Variants in SPARCL1 observed in about 807,000 individuals in gnomAD.
SPARCL1 encodes SPARC-like protein 1.
Under a neutral mutation model 67.1 loss-of-function variants are expected in SPARCL1, and 52 were observed. That is an observed-to-expected ratio of 0.78 (90% CI 0.62 to 0.98). The LOEUF (loss-of-function observed/expected upper bound fraction) is 0.98. Among genes scored for constraint, SPARCL1 ranks in the 50% least tolerant of loss-of-function variants. SPARCL1 has a pLI of 0.00. For missense variants in SPARCL1, 717 were observed against 782.4 expected (o/e 0.92, Z 1.00); for synonymous variants, 226 against 267.8 (o/e 0.84, Z 1.52).
intron 1 of SPARCL1, among the ~76,000 whole-genome samples, chr4:87,512,259 A>G (rs1041543690): frequency 3.9e-5 from 6 of 152,052 alleles, no homozygotes; most frequent in Non-Finnish European, 8.8e-5. Flanking sequence ...ATGAGCCACC[A>G]TGCCCGGCCC....
intron 1 of SPARCL1, among the ~76,000 whole-genome samples, chr4:87,519,182 T>C (rs1407174041): frequency 1.3e-5 from 2 of 152,050 alleles, no homozygotes; most frequent in East Asian, 3.9e-4. Flanking sequence ...GCAATTCTTC[T>C]GCCTCAACCT....
At position 87,494,039 on chromosome 4, in the gene SPARCL1, CTT is replaced by C; in HGVS notation, c.759_760del (p.Ser254GlnfsTer6). On this transcript the variant is annotated frameshift_variant, in exon 4 of 11. Transcript: ENST00000282470. LOFTEE classifies it high-confidence loss of function. ...ATCAAATTCATCCTCCTGCATCTTG[CTT>C]ACTTGAGTTGGTTGATCAGACTCTT... 6.2e-7 allele frequency: 1 copy of C among 1,614,084 alleles called. No homozygotes were observed. Among genetic ancestry groups the C allele is most frequent in the African/African-American group, 1.3e-5 (1 of 75,034 alleles).
chr4:87,490,858 A>G lies in SPARCL1; in HGVS notation c.1312T>C (p.Cys438Arg). 1 of 1,598,990 alleles carries G rather than the reference A, an allele frequency of 6.3e-7. No individual in the cohort carries two copies. The highest frequency in any genetic ancestry group is 2.2e-5 in the East Asian group (1 of 44,568). The stretch of plus-strand genomic sequence containing the variant: ...GCCTTACAGATGTGGCCTCTTTTAC[A>G]CTGGAAGCTCATGCAAGAATCTAAC... ...HAVDSCMSFQ[C>R]KRGHICKADQ... Residue 438 changes from cysteine to arginine, a missense_variant, in exon 6 of 11, where the codon TGT becomes CGT. Physicochemically the swap from Cys to Arg is radical, Grantham distance 180. Transcript: ENST00000282470.
chr4:87,474,793 A>G (rs1723502878), intron 10 of SPARCL1, among the ~76,000 whole-genome samples: 2 of 142,204 alleles, frequency 1.4e-5, no homozygotes, highest in Admixed American at 1.5e-4. Flanking sequence ...CCCAGGCCAG[A>G]CTGAAGTGGC....
intron 1 of SPARCL1, among the ~76,000 whole-genome samples, chr4:87,503,931 C>T (rs778974384): frequency 4.0e-5 from 6 of 151,892 alleles, no homozygotes; most frequent in African/African-American, 7.3e-5. Context: ...CCACCTGCCT[C>T]GGCCTCTCAA....
Position 87,494,613 on chromosome 4 carries a change from A to G in SPARCL1, c.202-15T>C. 4 of 1,551,874 alleles carry G rather than the reference A, an allele frequency of 2.6e-6. No homozygotes were observed. Among genetic ancestry groups the G allele is most frequent in the Non-Finnish European group, 3.5e-6 (4 of 1,155,248 alleles). ...GATTTTTCAGCCTTAAAAGAAAAAA[A>G]AGTTCATTCTTCAAACAAATGATAA... is the stretch of plus-strand genomic sequence containing the variant. On this transcript the variant is annotated splice_polypyrimidine_tract_variant and intron_variant, in intron 3 of 10. Transcript: ENST00000282470.
At chr4:87,487,888 A>G (rs1455591645) in intron 7 of SPARCL1, among the ~76,000 whole-genome samples, 1 of 151,880 alleles carries the variant, frequency 6.6e-6, no homozygotes, top group Non-Finnish European at 1.5e-5. Context: ...ATCGATTTGG[A>G]TATTGATACT....
chr4:87,507,774 T>C (rs528663375), intron 1 of SPARCL1, among the ~76,000 whole-genome samples: 4 of 152,298 alleles, frequency 2.6e-5, no homozygotes, highest in Non-Finnish European at 5.9e-5. Flanking sequence ...CTTTCCCAGA[T>C]ACCAGTCACA....
rs564174543 is a variant in SPARCL1, at chr4:87,478,894, C to T, written c.1966+536G>A. ...TAAAGAAAGAATACTCTGATCTACC[C>T]TCCCACAGCTCCCATTCATTGAGGG... is the stretch of plus-strand genomic sequence containing the variant. On this transcript the variant is annotated intron_variant, in intron 10 of 10. Transcript: ENST00000282470. Among the ~76,000 whole-genome samples the T allele has an allele frequency of 3.8e-4, 58 of 152,278 alleles. 1 individual carries two copies. The South Asian group carries it at 0.011, about 29-fold the overall frequency.
rs1049539 is a variant in SPARCL1, at chr4:87,529,196, T to C, written c.-163A>G. The C allele has an allele frequency of 0.3, 44,975 of 152,144 alleles. 7,336 individuals are homozygous for C. The highest frequency in any genetic ancestry group is 0.42 in the South Asian group (2,046 of 4,824). 9.4% of individuals were successfully genotyped at this position (152,144 alleles called of 1,614,324 possible). A position where few individuals can be genotyped will look rare whatever the true frequency, so the allele number is the denominator to read the frequency against. On this transcript the variant is annotated 5_prime_UTR_variant, in exon 1 of 11. In the 5' UTR this introduces an upstream ATG that the reference lacks. Transcript: ENST00000282470. ...AGCTCTGCTTCTTTGCCCAGAGGCA[T>C]ATTCAAGTCTACTGGAGTTGAAATT...
intron 1 of SPARCL1, among the ~76,000 whole-genome samples, chr4:87,524,679 CCATCTCCT>C (rs1316508311): frequency 6.6e-6 from 1 of 152,116 alleles, no homozygotes; most frequent in Non-Finnish European, 1.5e-5. Context: ...GACTGTGCTC[CCATCTCCT>C]CAGCTGCAGC....
At position 87,493,640 on chromosome 4, in the gene SPARCL1, C is replaced by A; in HGVS notation, c.1160G>T (p.Arg387Ile). The A allele has an allele frequency of 6.2e-7, 1 of 1,613,668 alleles. No homozygotes were observed. Among genetic ancestry groups the A allele is most frequent in the Middle Eastern group, 1.7e-4 (1 of 6,054 alleles). Reference sequence around the variant, plus strand: ...ATTTTCATTTTCATGTACTTTTTCTCTTTGCTCCTCAATTTTGAGGTGATA... The same window carrying A: ...ATTTTCATTTTCATGTACTTTTTCTATTTGCTCCTCAATTTTGAGGTGATA... ...IAYHLKIEEQ[R>I]EKVHENENIG... The change falls in exon 4 of 11, where the codon AGA (arginine) becomes ATA (isoleucine). Residue 387 changes from arginine (R) to isoleucine (I), a missense_variant. By Grantham distance (97) the Arg-to-Ile change is moderately conservative. Transcript: ENST00000282470.
intron 1 of SPARCL1, among the ~76,000 whole-genome samples, chr4:87,513,991 C>T (rs552132320): frequency 1.2e-4 from 18 of 152,004 alleles, no homozygotes; most frequent in Admixed American, 4.6e-4. Flanking sequence ...GTCAGGAGTT[C>T]GAGACCAGCC....
In SPARCL1 at chr4:87,494,336, T is replaced by C; in HGVS notation, c.464A>G (p.Glu155Gly). The stretch of plus-strand genomic sequence containing the variant: ...GTTTTCCTCTCTCTTTGTGATACTT[T>C]CTTGTTGGTTAGAATCTGTGAAGGA... ...VSSFTDSNQQESITKREENQE... is the reference protein window; with the variant it reads ...VSSFTDSNQQGSITKREENQE... The change falls in exon 4 of 11, where the codon GAA (glutamate) becomes GGA (glycine). Residue 155 changes from glutamate to glycine, a missense_variant. Physicochemically the swap from Glu to Gly is moderately conservative, Grantham distance 98. Transcript: ENST00000282470. 6.2e-7 allele frequency: 1 copy of C among 1,614,200 alleles called. No homozygotes were observed. Among genetic ancestry groups the C allele is most frequent in the Non-Finnish European group, 8.5e-7 (1 of 1,180,040 alleles).
rs1724260775 is a variant in SPARCL1, at chr4:87,490,279, A to AG, written c.1524dup (p.Cys509LeufsTer11). 1 of 1,609,168 alleles carries AG rather than the reference A, an allele frequency of 6.2e-7. No individual in the cohort carries two copies. Among genetic ancestry groups the AG allele is most frequent in the Non-Finnish European group, 8.5e-7 (1 of 1,178,240 alleles). ...AGGAGGGACATAATCTTACATTTGC[A>AG]GGCTCCAAAATAATCCAGCTGGAGT... On this transcript the variant is annotated frameshift_variant, in exon 7 of 11. Transcript: ENST00000282470. LOFTEE classifies it high-confidence loss of function.
intron 1 of SPARCL1, among the ~76,000 whole-genome samples, chr4:87,508,889 G>GTATA (rs142792848): frequency 0.033 from 4,631 of 138,326 alleles, 183 homozygotes; most frequent in African/African-American, 0.093. Context: ...ATGTATATAA[G>GTATA]TATATATATA....
chr4:87,480,815 C>T (rs969445490), intron 8 of SPARCL1, among the ~76,000 whole-genome samples: 10 of 133,770 alleles, frequency 7.5e-5, no homozygotes, highest in South Asian at 2.2e-4. Flanking sequence ...AAGTAATGTT[C>T]GCTGCTTTTT....
intron 5 of SPARCL1, 98 bp from the exon 6 acceptor site, chr4:87,490,976 A>C (rs1422204110): frequency 1.3e-6 from 1 of 754,170 alleles, no homozygotes; most frequent in Non-Finnish European, 2.1e-6. Context: ...ATGAAGGGGA[A>C]ATTTTGAAGT....
chr4:87,500,191 C>T (rs958115644), intron 1 of SPARCL1, among the ~76,000 whole-genome samples: 1 of 152,190 alleles, frequency 6.6e-6, no homozygotes, highest in African/African-American at 2.4e-5. Context: ...AACCATCTGA[C>T]CTCTTAGCAA....
Sources: gnomAD v4.1 joint callset for allele counts (sites outside exome capture counted in the v4.1 genomes callset) on GRCh38, gnomAD v4.1.1 for gene constraint, MANE v1.5 for transcripts, NCBI Gene and HGNC (gene_info 2026-07-23, HGNC 2026-07-21) for gene names.